EPHA2: variants seen among roughly 807,000 people sequenced by gnomAD.
The protein encoded by EPHA2 is EPH receptor A2, also known as ephrin type-A receptor 2.
In EPHA2, 54 loss-of-function variants were observed where a neutral mutation model predicts 104.9. That is an observed-to-expected ratio of 0.51 (90% CI 0.41 to 0.65). The LOEUF (loss-of-function observed/expected upper bound fraction) is 0.65, where lower values mean the gene tolerates loss of function less well. EPHA2 is among the 30% of genes least tolerant of loss of function. EPHA2 has a pLI of 0.00. For synonymous variants in EPHA2, 560 were observed against 559.1 expected (o/e 1.00, Z -0.02); for missense variants, 1,117 against 1,369.5 (o/e 0.82, Z 2.91).
In EPHA2 at chr1:16,133,469, G is replaced by A. The variant is rs183236745; in HGVS notation, c.1864+12C>T. 1.3e-3 allele frequency: 2,051 copies of A among 1,614,062 alleles called. 22 individuals carry two copies. In the African/African-American group the frequency reaches 0.024, roughly 19 times the overall value. ...GCCTCCTCAGGGCCCCTTGGCAGGGGGCCAACCTCACCTGCTCCGATCACC... is the reference window on the plus strand; with the variant it reads ...GCCTCCTCAGGGCCCCTTGGCAGGGAGCCAACCTCACCTGCTCCGATCACC... On this transcript the variant is annotated intron_variant, in intron 10 of 16. Coordinates refer to ENST00000358432, the MANE Select transcript of EPHA2 (RefSeq NM_004431.5).
chr1:16,124,898 A>C lies in EPHA2; in HGVS notation c.*317T>G. The C allele has an allele frequency of 1.2e-5, 4 of 329,400 alleles. No homozygotes were observed. Among genetic ancestry groups the C allele is most frequent in the Non-Finnish European group, 2.4e-5 (4 of 170,098 alleles). The allele number at this position is 329,400 out of a possible 1,614,324, so 20.4% of individuals were successfully genotyped here. Reference sequence around the variant, plus strand: ...CCTCATGTGGGAGAAGGCGGAGGGAAGGTCGGCTTGGGAATATCCCATATG... The same window carrying C: ...CCTCATGTGGGAGAAGGCGGAGGGACGGTCGGCTTGGGAATATCCCATATG... On this transcript the variant is annotated 3_prime_UTR_variant, in exon 17 of 17. Transcript: ENST00000358432.
Position 16,124,755 on chromosome 1 carries a change from G to T in EPHA2, c.*460C>A, listed in dbSNP as rs1314506161. 1 of 179,368 alleles carries T rather than the reference G, an allele frequency of 5.6e-6. No individual in the cohort carries two copies. The highest frequency in any genetic ancestry group is 1.2e-5 in the Non-Finnish European group (1 of 82,732). The allele number at this position is 179,368 out of a possible 1,614,324, so 11.1% of individuals were successfully genotyped here. A position where few individuals can be genotyped will look rare whatever the true frequency, so the allele number is the denominator to read the frequency against. On this transcript the variant is annotated 3_prime_UTR_variant, in exon 17 of 17. Transcript: ENST00000358432. The stretch of plus-strand genomic sequence containing the variant: ...TCTAAAGAAGGCACTAGAGGGACAG[G>T]GACCGCTTTGGGTCTCACCCAGTCA...
In EPHA2 at chr1:16,132,191, A is replaced by G. The variant is rs755358053; in HGVS notation, c.2198T>C (p.Met733Thr). The G allele has an allele frequency of 1.2e-6, 2 of 1,614,160 alleles. No individual in the cohort carries two copies. The highest frequency in any genetic ancestry group is 3.3e-5 in the Admixed American group (2 of 60,022). ...AGCCAGGTCACGGTGCACATAGTTC[A>G]TGTTGGCCAGGTACTTCATGCCAGC... ...IAAGMKYLANMNYVHRDLAAR... is the reference protein window; with the variant it reads ...IAAGMKYLANTNYVHRDLAAR... The change falls in exon 13 of 17, where the codon ATG becomes ACG. Residue 733 changes from methionine to threonine, a missense_variant. Met to Thr is a moderately conservative substitution (Grantham distance 81). Coordinates refer to ENST00000358432, the MANE Select transcript of EPHA2 (RefSeq NM_004431.5).
chr1:16,152,770 G>A lies in EPHA2; in HGVS notation c.86-1807C>T, dbSNP rs141695219. Among the ~76,000 whole-genome samples the A allele has an allele frequency of 2.2e-3, 330 of 152,282 alleles. 4 individuals are homozygous for A. The highest frequency in any genetic ancestry group is 7.7e-3 in the African/African-American group (319 of 41,564). ...CTGAAGGGTTAACCTGGCATGGAGG[G>A]CCCTCCCTTTCCAGCCTAGGCCTGG... On this transcript the variant is annotated intron_variant, in intron 1 of 16. Transcript: ENST00000358432.
Position 16,149,385 on chromosome 1 carries a change from G to T in EPHA2, c.154-338C>A, listed in dbSNP as rs74392880. 7.0e-3 allele frequency among the ~76,000 whole-genome samples: 1,064 copies of T among 152,320 alleles called. 11 individuals carry two copies. The highest frequency in any genetic ancestry group is 0.025 in the African/African-American group (1,025 of 41,566). ...TGGGAGCAAGACCCCCTACCTCACA[G>T]AATTGCTGTGAGGATAAAGGACAGA... On this transcript the variant is annotated intron_variant, in intron 2 of 16. Coordinates refer to ENST00000358432, the MANE Select transcript of EPHA2 (RefSeq NM_004431.5).
At chr1:16,145,834 T>C (rs1395617677) in intron 3 of EPHA2, among the ~76,000 whole-genome samples, 1 of 152,212 alleles carries the variant, frequency 6.6e-6, no homozygotes, top group Non-Finnish European at 1.5e-5. Flanking sequence ...TGGATTCAGA[T>C]CCTGATGCAG....
At position 16,156,016 on chromosome 1, in the gene EPHA2, TC is replaced by T; in HGVS notation, c.-85del. 1 of 1,233,534 alleles carries T rather than the reference TC, an allele frequency of 8.1e-7. No individual in the cohort carries two copies. The highest frequency in any genetic ancestry group is 1.1e-6 in the Non-Finnish European group (1 of 939,070). 76.4% of individuals were successfully genotyped at this position (1,233,534 alleles called of 1,614,324 possible). ...CCTGCACGCCGGCCTCGGTGTCCGC[TC>T]CCGCCCGCCGGCCTGCGCGCAACTT... On this transcript the variant is annotated 5_prime_UTR_variant, in exon 1 of 17. Transcript: ENST00000358432.
chr1:16,153,777 C>G (rs1039069966), intron 1 of EPHA2, among the ~76,000 whole-genome samples: 27 of 152,212 alleles, frequency 1.8e-4, no homozygotes, highest in African/African-American at 6.5e-4. Context: ...TCTGAAGCAG[C>G]CTGGGGGTAG....
At chr1:16,154,722 CTCCAG>C (rs1399923046) in intron 1 of EPHA2, among the ~76,000 whole-genome samples, 1 of 139,188 alleles carries the variant, frequency 7.2e-6, no homozygotes, top group Non-Finnish European at 1.5e-5. Flanking sequence ...CGCCATTGCA[CTCCAG>C]TCTGGGCAAC....
In EPHA2 at chr1:16,151,837, C is replaced by T. The variant is rs186543242; in HGVS notation, c.86-874G>A. ...CCAGAGACCAGGTGTCAGGACCATC[C>T]TGTTCCCAGAGAGGCAACTGGAGCC... On this transcript the variant is annotated intron_variant, in intron 1 of 16. Coordinates refer to ENST00000358432, the MANE Select transcript of EPHA2 (RefSeq NM_004431.5). Among the ~76,000 whole-genome samples the T allele has an allele frequency of 4.3e-4, 65 of 152,308 alleles. No individual in the cohort carries two copies. The Middle Eastern group carries it at 0.017, about 40-fold the overall frequency.
rs1301894569 is a variant in EPHA2 at position 16,132,112 on chromosome 1, G to A, written c.2277C>T (p.Gly759=). The change falls in exon 13 of 17, where the codon GGC becomes GGT. Residue 759 remains glycine, a synonymous_variant. Transcript: ENST00000358432. ...SNLVCKVSDF[G]LSRVLEDDPE... ...GGTCGTCCTCCAGCACGCGGGACAG[G>A]CCAAAGTCAGACACCTTGCAGACCA... 6.2e-7 allele frequency: 1 copy of A among 1,614,204 alleles called. No individual in the cohort carries two copies. The highest frequency in any genetic ancestry group is 1.3e-5 in the African/African-American group (1 of 75,042).
chr1:16,152,583 G>A (rs1396788592), intron 1 of EPHA2, among the ~76,000 whole-genome samples: 1 of 152,162 alleles, frequency 6.6e-6, no homozygotes, highest in African/African-American at 2.4e-5. Flanking sequence ...AACCCCACTA[G>A]CAAATGGAAT....
Position 16,130,818 on chromosome 1 carries a change from T to C in EPHA2, c.2476-399A>G, listed in dbSNP as rs60594968. The stretch of plus-strand genomic sequence containing the variant: ...CTAATTTTTTAATTTTTTGTAGAGA[T>C]GGGGTTTCGTCATGTTGTCCAGGCT... On this transcript the variant is annotated intron_variant, in intron 14 of 16. Coordinates refer to ENST00000358432, the MANE Select transcript of EPHA2 (RefSeq NM_004431.5). This position sits in a 1 kb window ranked among gnomAD's most constrained non-coding sequence, Gnocchi z 4.5. Among the ~76,000 whole-genome samples the C allele has an allele frequency of 0.018, 2,794 of 152,148 alleles. 98 individuals carry two copies. The highest frequency in any genetic ancestry group is 0.062 in the African/African-American group (2,576 of 41,502).
At chr1:16,151,345 C>T (rs929934281) in intron 1 of EPHA2, among the ~76,000 whole-genome samples, 4 of 152,290 alleles carry the variant, frequency 2.6e-5, no homozygotes, top group South Asian at 4.1e-4. Flanking sequence ...GACACCACAC[C>T]GCCCCCTCTG....
chr1:16,126,792 A>T (rs1299949381), intron 16 of EPHA2, among the ~76,000 whole-genome samples: 1 of 152,138 alleles, frequency 6.6e-6, no homozygotes, highest in Non-Finnish European at 1.5e-5. Context: ...GAAACCTGAC[A>T]TCCGGTTTAA....
At chr1:16,138,759 C>T (rs2024768843) in intron 3 of EPHA2, among the ~76,000 whole-genome samples, 1 of 152,222 alleles carries the variant, frequency 6.6e-6, no homozygotes, top group Admixed American at 6.5e-5. Flanking sequence ...CCCATCACAG[C>T]CTAGCTCAGC....
At chr1:16,143,591 C>G (rs1329551909) in intron 3 of EPHA2, among the ~76,000 whole-genome samples, 1 of 152,130 alleles carries the variant, frequency 6.6e-6, no homozygotes, top group African/African-American at 2.4e-5. Flanking sequence ...TGAGGTGACT[C>G]AGGGACAGAC....
In EPHA2 at chr1:16,128,978, C is replaced by A. The variant is rs1310203439; in HGVS notation, c.2825+456G>T. Among the ~76,000 whole-genome samples, 1 of 151,928 alleles carries A rather than the reference C, an allele frequency of 6.6e-6. No homozygotes were observed. Among genetic ancestry groups the A allele is most frequent in the Non-Finnish European group, 1.5e-5 (1 of 67,984 alleles). ...CTACCAATGACCTCTCCGATCCCTG[C>A]GCTCTGGGATCCCGACTGACTGGGC... On this transcript the variant is annotated intron_variant, in intron 16 of 16. Coordinates refer to ENST00000358432, the MANE Select transcript of EPHA2 (RefSeq NM_004431.5). This position sits in a 1 kb window ranked among gnomAD's most constrained non-coding sequence, Gnocchi z 4.7.
rs924901221 is a variant in EPHA2, at chr1:16,138,096, G to T, written c.1069C>A (p.Arg357Ser). 1 of 1,610,404 alleles carries T rather than the reference G, an allele frequency of 6.2e-7. No homozygotes were observed. The change falls in exon 5 of 17, where the codon CGC becomes AGC. Residue 357 changes from arginine to serine, a missense_variant. Coordinates refer to ENST00000358432, the MANE Select transcript of EPHA2 (RefSeq NM_004431.5). ...RWTPPQDSGG[R>S]EDIVYSVTCE... ...GTGACGCTGTAGACAATGTCCTCGC[G>T]GCCCCCGCTGTCCTGAGGGGGCGTC...
Sources: allele counts gnomAD v4.1 joint callset (sites outside exome capture counted in the v4.1 genomes callset), GRCh38; gene constraint gnomAD v4.1.1; non-coding constraint Gnocchi (gnomAD v3.1); transcripts MANE v1.5; gene names NCBI Gene and HGNC (gene_info 2026-07-23, HGNC 2026-07-21).